The following PDLIM3 variants were observed in gnomAD, a reference collection of about 807,000 sequenced individuals.
PDLIM3 encodes PDZ and LIM domain protein 3.
A neutral mutation model predicts 37.3 loss-of-function variants in PDLIM3; 36 were observed. That is an observed-to-expected ratio of 0.97 (90% CI 0.74 to 1.28). PDLIM3 has a LOEUF of 1.28. PDLIM3 is among the 50% of genes most tolerant of loss of function. The pLI is 0.00. For missense variants in PDLIM3, 454 were observed against 485.0 expected, an observed-to-expected ratio of 0.94 and a Z score of 0.60; for synonymous variants, 174 against 182.4, an observed-to-expected ratio of 0.95 and a Z score of 0.37.
chr4:185,514,109 T>C lies in PDLIM3; in HGVS notation c.398+161A>G. ...CTCTTGGAAATGCAAGTTATTTGGC[T>C]TCTGTTCTCTGCCAAGTGAGTTTGT... On this transcript the variant is annotated intron_variant, in intron 4 of 7. Coordinates refer to ENST00000284767, the MANE Select transcript of PDLIM3 (RefSeq NM_014476.6). The surrounding 1 kb of genome is among the most constrained non-coding windows in gnomAD (Gnocchi z 4.0). The C allele has an allele frequency of 6.6e-7, 1 of 1,519,848 alleles. No individual in the cohort carries two copies. The highest frequency in any genetic ancestry group is 8.8e-7 in the Non-Finnish European group (1 of 1,136,046). 94.1% of individuals were successfully genotyped at this position (1,519,848 alleles called of 1,614,324 possible).
chr4:185,532,084 C>G (rs1458452348), intron 1 of PDLIM3, among the ~76,000 whole-genome samples: 1 of 152,096 alleles, frequency 6.6e-6, no homozygotes, highest in African/African-American at 2.4e-5. Context: ...GGAGACAGAG[C>G]GAGACTCTGT....
chr4:185,530,354 T>A (rs2095741807), intron 1 of PDLIM3, among the ~76,000 whole-genome samples: 1 of 152,246 alleles, frequency 6.6e-6, no homozygotes, highest in Admixed American at 6.5e-5. Flanking sequence ...GTTAAAGTCA[T>A]ACACTGTTCT....
intron 3 of PDLIM3, chr4:185,515,380 C>G (rs967247790): frequency 3.3e-5 from 5 of 152,232 alleles, no homozygotes; most frequent in African/African-American, 7.2e-5. Context: ...GAATAATTAG[C>G]TACACTGAAT....
chr4:185,506,695 G>A (rs1305547532), intron 5 of PDLIM3, 43 bp from the exon 6 acceptor site: 1 of 1,593,162 alleles, frequency 6.3e-7, no homozygotes, highest in Non-Finnish European at 8.5e-7. Context: ...GGTGCTGGGA[G>A]GCACCAGACG....
intron 1 of PDLIM3, among the ~76,000 whole-genome samples, chr4:185,532,857 A>G (rs1197226932): frequency 6.6e-6 from 1 of 152,202 alleles, no homozygotes; most frequent in Non-Finnish European, 1.5e-5. Flanking sequence ...GAAATCTTGA[A>G]GAGGGACAGT....
rs1010216156 is a variant in PDLIM3 at position 185,514,081 on chromosome 4, T to A, written c.398+189A>T. The A allele has an allele frequency of 2.8e-5, 42 of 1,485,520 alleles. No individual in the cohort carries two copies. The highest frequency in any genetic ancestry group is 3.7e-5 in the Non-Finnish European group (42 of 1,122,358). The allele number at this position is 1,485,520 out of a possible 1,614,324, so 92.0% of individuals were successfully genotyped here. ...CACAGCTCTGTCATCTTGTCAATAT[T>A]TACTCTTGGAAATGCAAGTTATTTG... On this transcript the variant is annotated intron_variant, in intron 4 of 7. Transcript: ENST00000284767. The surrounding 1 kb of genome is among the most constrained non-coding windows in gnomAD (Gnocchi z 4.0).
intron 3 of PDLIM3, chr4:185,517,353 T>A (rs1436463713): frequency 7.0e-6 from 1 of 143,822 alleles, no homozygotes; most frequent in Non-Finnish European, 1.5e-5. Flanking sequence ...TTAGCTTTTT[T>A]TTTTTTTTTT....
At chr4:185,503,669 C>A (rs138329417) in intron 7 of PDLIM3, among the ~76,000 whole-genome samples, 1 of 152,182 alleles carries the variant, frequency 6.6e-6, no homozygotes, top group Non-Finnish European at 1.5e-5. Context: ...AGGTCCCTGC[C>A]GGGCACGGTG....
chr4:185,502,963 C>T (rs565668715), intron 7 of PDLIM3, among the ~76,000 whole-genome samples: 36 of 152,288 alleles, frequency 2.4e-4, no homozygotes, highest in South Asian at 4.2e-4. Flanking sequence ...CGTGGTGGCT[C>T]ACGCCTGAAA....
chr4:185,533,577 G>T (rs1036890071), intron 1 of PDLIM3, among the ~76,000 whole-genome samples: 5 of 152,064 alleles, frequency 3.3e-5, no homozygotes, highest in Non-Finnish European at 7.4e-5. Context: ...GTCATAAACT[G>T]TTATTGAACC....
intron 1 of PDLIM3, among the ~76,000 whole-genome samples, chr4:185,533,794 C>T (rs2095748776): frequency 1.3e-5 from 2 of 152,030 alleles, no homozygotes; most frequent in African/African-American, 2.4e-5. Flanking sequence ...TATTGACATA[C>T]GATTATACTA....
intron 1 of PDLIM3, among the ~76,000 whole-genome samples, chr4:185,530,397 A>G (rs2095741895): frequency 6.6e-6 from 1 of 152,220 alleles, no homozygotes; most frequent in African/African-American, 2.4e-5. Context: ...GGAACACACT[A>G]ACTTTTTCTA....
At position 185,514,986 on chromosome 4, in the gene PDLIM3, T is replaced by C. The variant is rs2095712752; in HGVS notation, c.331-649A>G. ...CATCACTACTGTTAATAAAGGCATC[T>C]TTACCCACGACGAGATTGACGGAAA... On this transcript the variant is annotated intron_variant, in intron 3 of 7. Coordinates refer to ENST00000284767, the MANE Select transcript of PDLIM3 (RefSeq NM_014476.6). This position sits in a 1 kb window ranked among gnomAD's most constrained non-coding sequence, Gnocchi z 4.0. 1.4e-5 allele frequency: 13 copies of C among 932,496 alleles called. No individual in the cohort carries two copies. The highest frequency in any genetic ancestry group is 2.0e-5 in the Non-Finnish European group (13 of 641,336). The allele number at this position is 932,496 out of a possible 1,614,324, so 57.8% of individuals were successfully genotyped here.
chr4:185,507,714 CAA>C (rs1296435105), intron 5 of PDLIM3, among the ~76,000 whole-genome samples: 1 of 151,974 alleles, frequency 6.6e-6, no homozygotes, highest in African/African-American at 2.4e-5. Context: ...AAAAATTAGT[CAA>C]AAAGAGACCA....
At chr4:185,534,728 C>G (rs2095750346) in intron 1 of PDLIM3, among the ~76,000 whole-genome samples, 1 of 152,228 alleles carries the variant, frequency 6.6e-6, no homozygotes, top group African/African-American at 2.4e-5. Context: ...AAGCCAAGTT[C>G]TCAGCTTTGG....
Position 185,514,786 on chromosome 4 carries a change from C to T in PDLIM3, c.331-449G>A, listed in dbSNP as rs1426226424. ...TGCTAGTTGAATAGAGCCCAATTGGCGAGTTATAGGAAGCGCTCACTACCT... is the reference window on the plus strand; with the variant it reads ...TGCTAGTTGAATAGAGCCCAATTGGTGAGTTATAGGAAGCGCTCACTACCT... On this transcript the variant is annotated intron_variant, in intron 3 of 7. Transcript: ENST00000284767. This position sits in a 1 kb window ranked among gnomAD's most constrained non-coding sequence, Gnocchi z 4.0. 1.3e-6 allele frequency: 2 copies of T among 1,551,828 alleles called. No homozygotes were observed. The highest frequency in any genetic ancestry group is 1.7e-6 in the Non-Finnish European group (2 of 1,147,008).
intron 3 of PDLIM3, among the ~76,000 whole-genome samples, chr4:185,518,664 C>G (rs953282319): frequency 1.3e-5 from 2 of 152,184 alleles, no homozygotes; most frequent in African/African-American, 4.8e-5. Flanking sequence ...TCACCCTCAT[C>G]ATCCTTTTTT....
At chr4:185,526,908 C>G (rs2095735251) in intron 1 of PDLIM3, among the ~76,000 whole-genome samples, 2 of 152,330 alleles carry the variant, frequency 1.3e-5, no homozygotes, top group South Asian at 2.1e-4. Context: ...AGTAGCTTCT[C>G]TAGTCCTCCC....
At position 185,514,524 on chromosome 4, in the gene PDLIM3, T is replaced by C; in HGVS notation, c.331-187A>G. 2 of 1,322,330 alleles carry C rather than the reference T, an allele frequency of 1.5e-6. No homozygotes were observed. The highest frequency in any genetic ancestry group is 2.1e-6 in the Non-Finnish European group (2 of 951,600). The allele number at this position is 1,322,330 out of a possible 1,614,324, so 81.9% of individuals were successfully genotyped here. On this transcript the variant is annotated intron_variant, in intron 3 of 7. Transcript: ENST00000284767. This position sits in a 1 kb window ranked among gnomAD's most constrained non-coding sequence, Gnocchi z 4.0. ...ATCTATCCGCTAAACGGTCAGGCAC[T>C]GGCGGATTGGACCCCACAACAATTA... is the stretch of plus-strand genomic sequence containing the variant.
Sources: allele counts gnomAD v4.1 joint callset (sites outside exome capture counted in the v4.1 genomes callset), GRCh38; gene constraint gnomAD v4.1.1; non-coding constraint Gnocchi (gnomAD v3.1); transcripts MANE v1.5; gene names NCBI Gene and HGNC (gene_info 2026-07-23, HGNC 2026-07-21).